Variants in TMED3 observed in about 807,000 individuals in gnomAD.
TMED3 encodes the protein transmembrane p24 trafficking protein 3, also known as transmembrane emp24 domain-containing protein 3.
Under a neutral mutation model 15.0 loss-of-function variants are expected in TMED3, and 9 were observed. The ratio of observed to expected loss-of-function variants is 0.60; its 90% CI spans 0.36 to 1.04. TMED3 has a LOEUF of 1.04. TMED3 is among the 50% of genes least tolerant of loss of function. TMED3 has a pLI of 0.01. For synonymous variants in TMED3, 117 were observed against 121.4 expected, an observed-to-expected ratio of 0.96 and a Z score of 0.24; for missense variants, 267 against 278.9, an observed-to-expected ratio of 0.96 and a Z score of 0.30.
At chr15:79,319,782 C>T (rs2058756808) in intron 2 of TMED3, among the ~76,000 whole-genome samples, 1 of 152,150 alleles carries the variant, frequency 6.6e-6, no homozygotes, top group Admixed American at 6.5e-5. Flanking sequence ...CCCTGCCTGG[C>T]AGCCAAGGCA....
At chr15:79,319,003 G>A (rs766219989) in intron 2 of TMED3, among the ~76,000 whole-genome samples, 4 of 152,110 alleles carry the variant, frequency 2.6e-5, no homozygotes, top group East Asian at 1.9e-4. Flanking sequence ...GTCCAATGCT[G>A]ACTACACTCC....
chr15:79,350,599 G>A (rs1259982819), intron 2 of TMED3, among the ~76,000 whole-genome samples: 3 of 152,094 alleles, frequency 2.0e-5, no homozygotes, highest in Non-Finnish European at 4.4e-5. Flanking sequence ...AGCTGTGCTG[G>A]GAGCTGATTA....
chr15:79,386,876 A>G (rs1033196362), intron 2 of TMED3, among the ~76,000 whole-genome samples: 1 of 150,140 alleles, frequency 6.7e-6, no homozygotes, highest in East Asian at 1.9e-4. Flanking sequence ...TAATTTATCA[A>G]TCTTTTTTGT....
chr15:79,364,473 C>G (rs925668023), intron 2 of TMED3, among the ~76,000 whole-genome samples: 1 of 151,966 alleles, frequency 6.6e-6, no homozygotes, highest in Admixed American at 6.6e-5. Context: ...GGTTCCCCAG[C>G]AAAGGCCCCA....
chr15:79,321,842 G>A (rs1306359579), intron 2 of TMED3, 136 bp from the exon 3 acceptor site: 13 of 1,130,062 alleles, frequency 1.2e-5, no homozygotes, highest in African/African-American at 7.8e-5. Context: ...ATAAAACCAC[G>A]TAAAACCCTT....
chr15:79,339,224 G>A (rs1027269602), intron 2 of TMED3, among the ~76,000 whole-genome samples: 1 of 152,186 alleles, frequency 6.6e-6, no homozygotes, highest in South Asian at 2.1e-4. Context: ...CAGTGGACAC[G>A]TGACCCACAT....
At chr15:79,394,141 AGTAGGGGG>A (rs963987732) in intron 2 of TMED3, among the ~76,000 whole-genome samples, 1 of 151,880 alleles carries the variant, frequency 6.6e-6, no homozygotes, top group Admixed American at 6.6e-5. Flanking sequence ...ATAGTTGGGG[AGTAGGGGG>A]GTGGGTGGAC....
intron 2 of TMED3, among the ~76,000 whole-genome samples, chr15:79,377,249 C>A (rs1893440985): frequency 6.7e-6 from 1 of 149,108 alleles, no homozygotes; most frequent in Non-Finnish European, 1.5e-5. Flanking sequence ...AAATAGCAAA[C>A]CCTAAGTGGA....
At chr15:79,342,195 C>T (rs2058854114) in intron 2 of TMED3, among the ~76,000 whole-genome samples, 1 of 152,042 alleles carries the variant, frequency 6.6e-6, no homozygotes. Flanking sequence ...CCATATCTGA[C>T]ATATAGATAA....
At chr15:79,332,601 G>A (rs944060870) in intron 2 of TMED3, among the ~76,000 whole-genome samples, 1 of 152,236 alleles carries the variant, frequency 6.6e-6, no homozygotes, top group Admixed American at 6.5e-5. Context: ...GGCTTGGCCA[G>A]TATGCTGGGG....
Position 79,311,260 on chromosome 15 carries a change from C to T in TMED3, c.11C>T (p.Thr4Ile), listed in dbSNP as rs775070468. 3 of 1,601,922 alleles carry T rather than the reference C, an allele frequency of 1.9e-6. No individual in the cohort carries two copies. The highest frequency in any genetic ancestry group is 2.6e-6 in the Non-Finnish European group (3 of 1,176,328). ...GGGACCGAGAGCATCATGGGCAGCA[C>T]TGTCCCGCGCTCCGCCTCCGTGCTG... MGS[T>I]VPRSASVLLL... Residue 4 changes from threonine (T) to isoleucine (I), a missense_variant, in exon 1 of 3, where the codon ACT (threonine) becomes ATT (isoleucine). This residue lies in a region of TMED3 where 59 missense variants were observed against 47.0 expected (regional missense o/e 1.26). Coordinates refer to ENST00000299705, the MANE Select transcript of TMED3 (RefSeq NM_007364.4).
downstream of TMED3, among the ~76,000 whole-genome samples, chr15:79,324,461 A>G (rs1427601847): frequency 6.6e-6 from 1 of 152,216 alleles, no homozygotes; most frequent in African/African-American, 2.4e-5. Context: ...TCTAAGAAGG[A>G]AGGGGAAAGA....
chr15:79,373,315 A>G (rs528354637), intron 2 of TMED3, among the ~76,000 whole-genome samples: 115 of 152,316 alleles, frequency 7.6e-4, no homozygotes, highest in Admixed American at 1.4e-3. Context: ...CCATCAAGGC[A>G]TCTTAAATCT....
intron 2 of TMED3, among the ~76,000 whole-genome samples, chr15:79,371,169 A>G (rs1211894404): frequency 5.3e-5 from 8 of 152,338 alleles, no homozygotes; most frequent in Non-Finnish European, 7.3e-5. Flanking sequence ...ATACACAAAG[A>G]TGTGTATTCT....
chr15:79,383,156 C>T (rs117260448), intron 2 of TMED3: 9,689 of 785,800 alleles, frequency 0.012, 426 homozygotes, highest in East Asian at 0.11. Flanking sequence ...GCCTTGTCCA[C>T]TCTCACCTGC....
At chr15:79,383,919 A>G (rs1595907541) in intron 2 of TMED3, 1 of 152,234 alleles carries the variant, frequency 6.6e-6, no homozygotes, top group African/African-American at 2.4e-5. Context: ...TTAATCCTTT[A>G]CTGCATAAGC....
intron 2 of TMED3, among the ~76,000 whole-genome samples, chr15:79,364,216 A>G (rs1271565507): frequency 6.6e-6 from 1 of 152,188 alleles, no homozygotes; most frequent in African/African-American, 2.4e-5. Flanking sequence ...TATTTGTATA[A>G]GGCACGAATT....
intron 2 of TMED3, among the ~76,000 whole-genome samples, chr15:79,386,780 C>T (rs1893632673): frequency 6.7e-6 from 1 of 149,110 alleles, no homozygotes; most frequent in Non-Finnish European, 1.5e-5. Flanking sequence ...ATCTCCTGAC[C>T]TCATGATCCA....
chr15:79,396,984 T>G (rs907531792), intron 2 of TMED3, among the ~76,000 whole-genome samples: 2 of 152,202 alleles, frequency 1.3e-5, no homozygotes, highest in African/African-American at 4.8e-5. Flanking sequence ...GCATTATGTT[T>G]GTGTTGGACA....
Sources: gnomAD v4.1 joint callset for allele counts (sites outside exome capture counted in the v4.1 genomes callset) on GRCh38, gnomAD v4.1.1 for gene constraint, gnomAD v4.1.1 regional missense constraint, MANE v1.5 for transcripts, NCBI Gene and HGNC (gene_info 2026-07-23, HGNC 2026-07-21) for gene names.